Variants in PDCL3 observed in about 807,000 individuals in gnomAD.
PDCL3 encodes phosducin like 3.
Under a neutral mutation model 26.5 loss-of-function variants are expected in PDCL3, and 22 were observed. The observed-to-expected ratio is 0.83, with a 90% CI of 0.59 to 1.19. The LOEUF is 1.19. PDCL3 is among the 50% of genes most tolerant of loss of function. The probability of loss-of-function intolerance (pLI) is 0.00; values close to 1 mark genes in which losing one functional copy is unlikely to be tolerated. For synonymous variants in PDCL3, 81 were observed against 104.9 expected (o/e 0.77, Z 1.39); for missense variants, 246 against 294.1 (o/e 0.84, Z 1.20).
intron 1 of PDCL3, among the ~76,000 whole-genome samples, 154 bp from the exon 2 acceptor site, chr2:100,566,349 G>T (rs540684571): frequency 3.9e-5 from 6 of 152,250 alleles, no homozygotes; most frequent in Middle Eastern, 3.4e-3. Flanking sequence ...AACAAAACGG[G>T]GGCTATGGAT....
intron 5 of PDCL3, chr2:100,572,148 G>T: frequency 3.9e-6 from 1 of 253,166 alleles, no homozygotes; most frequent in Non-Finnish European, 7.6e-6. Flanking sequence ...GTTAATGTAT[G>T]TATTTGTATT....
chr2:100,569,263 TC>T (rs1675121111), intron 3 of PDCL3, among the ~76,000 whole-genome samples: 1 of 151,994 alleles, frequency 6.6e-6, no homozygotes, highest in South Asian at 2.1e-4. Context: ...CGGCTATAGT[TC>T]CAGCTACTCA....
intron 2 of PDCL3, 61 bp downstream of exon 2, chr2:100,566,690 G>C: frequency 6.3e-7 from 1 of 1,594,746 alleles, no homozygotes; most frequent in Non-Finnish European, 8.6e-7. Flanking sequence ...CTAAGCCTCT[G>C]ACTGCCCTGC....
intron 2 of PDCL3, among the ~76,000 whole-genome samples, chr2:100,568,487 C>A (rs1675100708): frequency 6.6e-6 from 1 of 152,070 alleles, no homozygotes; most frequent in Non-Finnish European, 1.5e-5. Flanking sequence ...CAAAAATTAG[C>A]TGGGTGTGGT....
chr2:100,563,180 G>T, intron 1 of PDCL3, 107 bp downstream of exon 1: 8 of 1,415,568 alleles, frequency 5.7e-6, no homozygotes, highest in Non-Finnish European at 5.7e-6. Flanking sequence ...CGGCGCCGCA[G>T]GCACGAGGGA....
intron 2 of PDCL3, 122 bp downstream of exon 2, chr2:100,566,751 C>T: frequency 7.1e-7 from 1 of 1,412,600 alleles, no homozygotes; most frequent in Non-Finnish European, 9.6e-7. Flanking sequence ...TGTGGGACCT[C>T]AGACAAAACA....
chr2:100,573,993 A>G (rs1675230902), intron 5 of PDCL3, among the ~76,000 whole-genome samples: 1 of 151,984 alleles, frequency 6.6e-6, no homozygotes, highest in African/African-American at 2.4e-5. Context: ...ATATATATAG[A>G]GAGAGATATA....
intron 2 of PDCL3, among the ~76,000 whole-genome samples, chr2:100,567,875 T>C (rs13418741): frequency 0.51 from 76,363 of 150,760 alleles, 20,979 homozygotes; most frequent in East Asian, 0.97. Flanking sequence ...CAGGCTGGAC[T>C]GCAGTGGCGC....
chr2:100,563,340 C>G (rs996808000), intron 1 of PDCL3: 44 of 446,298 alleles, frequency 9.9e-5, no homozygotes, highest in Middle Eastern at 1.2e-3. Context: ...CTCTACCCAC[C>G]CGGGCCTGTG....
At chr2:100,573,179 G>A (rs182638439) in intron 5 of PDCL3, among the ~76,000 whole-genome samples, 112 of 151,892 alleles carry the variant, frequency 7.4e-4, no homozygotes, top group African/African-American at 2.6e-3. Flanking sequence ...CACCGCGCCC[G>A]GCTGTGTTTT....
chr2:100,566,369 C>G, intron 1 of PDCL3, 134 bp from the exon 2 acceptor site: 2 of 1,197,066 alleles, frequency 1.7e-6, no homozygotes, highest in Non-Finnish European at 2.3e-6. Flanking sequence ...TCTTTTGACA[C>G]TTTCTCAGAA....
intron 5 of PDCL3, among the ~76,000 whole-genome samples, chr2:100,574,710 T>C (rs1675244767): frequency 6.6e-6 from 1 of 152,240 alleles, no homozygotes; most frequent in South Asian, 2.1e-4. Flanking sequence ...TACCATCTTA[T>C]AACTGAAAGT....
chr2:100,572,400 C>T (rs200887120), intron 5 of PDCL3, among the ~76,000 whole-genome samples: 73 of 151,984 alleles, frequency 4.8e-4, no homozygotes, highest in East Asian at 4.1e-3. Context: ...TTAGTGGAGA[C>T]GGGGTTTCAC....
At chr2:100,574,433 G>A (rs796095983) in intron 5 of PDCL3, among the ~76,000 whole-genome samples, 4 of 150,506 alleles carry the variant, frequency 2.7e-5, no homozygotes, top group African/African-American at 9.8e-5. Context: ...ACTCATCTTC[G>A]TGGAACACTT....
intron 2 of PDCL3, among the ~76,000 whole-genome samples, 159 bp from the exon 3 acceptor site, chr2:100,568,772 T>C (rs1265948834): frequency 6.6e-6 from 1 of 152,186 alleles, no homozygotes; most frequent in Non-Finnish European, 1.5e-5. Context: ...GCCTCTCAGC[T>C]TCTAATGTAG....
chr2:100,568,058 G>A (rs998179665), intron 2 of PDCL3, among the ~76,000 whole-genome samples: 1 of 152,036 alleles, frequency 6.6e-6, no homozygotes, highest in Admixed American at 6.6e-5. Context: ...CTAGTGATCC[G>A]CCCACCTCAG....
chr2:100,576,266 C>T, intron 5 of PDCL3, 88 bp from the exon 6 acceptor site: 1 of 1,458,170 alleles, frequency 6.9e-7, no homozygotes, highest in Non-Finnish European at 9.3e-7. Context: ...GTATTTTCTA[C>T]TTAGAAAAAA....
chr2:100,569,373 T>C (rs1675124037), intron 3 of PDCL3, among the ~76,000 whole-genome samples: 2 of 152,070 alleles, frequency 1.3e-5, no homozygotes, highest in African/African-American at 4.8e-5. Context: ...TAAAATGAAA[T>C]GTGTGTCCTT....
At chr2:100,574,406 C>A (rs1237303758) in intron 5 of PDCL3, among the ~76,000 whole-genome samples, 2 of 151,448 alleles carry the variant, frequency 1.3e-5, no homozygotes, top group Non-Finnish European at 2.9e-5. Flanking sequence ...GTACCTAGAG[C>A]CGAAAATACT....
Sources: gnomAD v4.1 joint callset for allele counts (sites outside exome capture counted in the v4.1 genomes callset) on GRCh38, gnomAD v4.1.1 for gene constraint, MANE v1.5 for transcripts, NCBI Gene and HGNC (gene_info 2026-07-23, HGNC 2026-07-21) for gene names.